WWOX: variants seen among roughly 807,000 people sequenced by gnomAD.
The protein encoded by WWOX is WW domain-containing oxidoreductase.
Under a neutral mutation model 46.2 loss-of-function variants are expected in WWOX, and 69 were observed. That is an observed-to-expected ratio of 1.49 (90% confidence interval 1.23 to 1.82). WWOX has a LOEUF of 1.82. WWOX is among the 40% of genes most tolerant of loss of function. The pLI, the probability that WWOX is intolerant of heterozygous loss-of-function variation, is 0.00. For missense variants in WWOX, 919 were observed against 542.6 expected, an observed-to-expected ratio of 1.69 and a Z score of -6.89; for synonymous variants, 359 against 202.6, an observed-to-expected ratio of 1.77 and a Z score of -6.56.
intron 8 of WWOX, among the ~76,000 whole-genome samples, chr16:79,148,791 A>C (rs1435157872): frequency 1.3e-5 from 2 of 151,766 alleles, no homozygotes; most frequent in African/African-American, 4.8e-5. Context: ...GCGATTGTAA[A>C]TGGCATTGTG....
intron 8 of WWOX, among the ~76,000 whole-genome samples, chr16:78,914,771 C>T (rs911170706): frequency 6.6e-6 from 1 of 151,074 alleles, no homozygotes; most frequent in Non-Finnish European, 1.5e-5. Context: ...CCCAGCTACT[C>T]TGGAGGCTGA....
intron 8 of WWOX, among the ~76,000 whole-genome samples, chr16:78,886,598 A>G (rs1202968731): frequency 6.7e-6 from 1 of 150,322 alleles, no homozygotes; most frequent in Non-Finnish European, 1.5e-5. Flanking sequence ...TGTATTGTCC[A>G]ATTGCTTTCC....
At chr16:79,109,020 G>A (rs1490009329) in intron 8 of WWOX, among the ~76,000 whole-genome samples, 1 of 151,920 alleles carries the variant, frequency 6.6e-6, no homozygotes, top group East Asian at 1.9e-4. Flanking sequence ...CTTGGCAGAT[G>A]CAAGCTCAGA....
intron 8 of WWOX, among the ~76,000 whole-genome samples, chr16:78,796,079 T>A (rs934783957): frequency 6.6e-6 from 1 of 152,212 alleles, no homozygotes; most frequent in Non-Finnish European, 1.5e-5. Flanking sequence ...TTAGACTGGC[T>A]AAGAGAATGG....
intron 5 of WWOX, among the ~76,000 whole-genome samples, chr16:78,251,436 T>C (rs1185246386): frequency 6.6e-6 from 1 of 152,176 alleles, no homozygotes; most frequent in East Asian, 1.9e-4. Context: ...TGTCAACTGC[T>C]CGTTACACAG....
chr16:78,943,998 C>A (rs1333875460), intron 8 of WWOX, among the ~76,000 whole-genome samples: 1 of 152,134 alleles, frequency 6.6e-6, no homozygotes, highest in African/African-American at 2.4e-5. Flanking sequence ...ATTTTAGAAG[C>A]TCATCAAGGA....
chr16:79,006,927 C>G (rs932023973), intron 8 of WWOX, among the ~76,000 whole-genome samples: 3 of 152,160 alleles, frequency 2.0e-5, no homozygotes, highest in African/African-American at 4.8e-5. Flanking sequence ...AATCATCTTC[C>G]TCTTTTAAGA....
At chr16:79,203,292 G>A (rs765230147) in intron 8 of WWOX, 1 of 152,204 alleles carries the variant, frequency 6.6e-6, no homozygotes, top group Non-Finnish European at 1.5e-5. Context: ...CTTGGAACCT[G>A]AGAAATGGTC....
chr16:78,110,299 C>G (rs1220206785), intron 3 of WWOX, among the ~76,000 whole-genome samples: 1 of 141,604 alleles, frequency 7.1e-6, no homozygotes, highest in African/African-American at 2.7e-5. Flanking sequence ...GAGATCGCGC[C>G]ACTGCACTCC....
At chr16:78,284,645 C>T (rs1211436652) in intron 5 of WWOX, among the ~76,000 whole-genome samples, 1 of 152,136 alleles carries the variant, frequency 6.6e-6, no homozygotes, top group African/African-American at 2.4e-5. Context: ...CAAACTTGAG[C>T]AGAGAAATCA....
At chr16:78,944,553 G>C (rs911453374) in intron 8 of WWOX, among the ~76,000 whole-genome samples, 2 of 152,118 alleles carry the variant, frequency 1.3e-5, no homozygotes, top group East Asian at 3.9e-4. Context: ...CTGTGGTCTT[G>C]AGTTTCGTAC....
chr16:78,200,625 C>A (rs796741002), intron 5 of WWOX, among the ~76,000 whole-genome samples: 1 of 150,580 alleles, frequency 6.6e-6, no homozygotes, highest in Admixed American at 6.7e-5. Context: ...ACTGGCAGAT[C>A]TGACTTCCTT....
intron 4 of WWOX, among the ~76,000 whole-genome samples, chr16:78,122,880 C>G (rs1036644019): frequency 3.3e-5 from 5 of 152,196 alleles, no homozygotes; most frequent in African/African-American, 9.7e-5. Context: ...GCTAGGATTA[C>G]AGACACTAGC....
intron 8 of WWOX, among the ~76,000 whole-genome samples, chr16:79,104,241 G>A (rs2049263189): frequency 6.6e-6 from 1 of 152,104 alleles, no homozygotes; most frequent in Admixed American, 6.5e-5. Context: ...ACATAGGGTT[G>A]CCTGTGTCTT....
At chr16:78,741,382 G>A (rs111434337) in intron 8 of WWOX, among the ~76,000 whole-genome samples, 4,708 of 152,020 alleles carry the variant, frequency 0.031, 157 homozygotes, top group African/African-American at 0.085. Context: ...CCAACCTGGT[G>A]AGATCCCATC....
intron 8 of WWOX, among the ~76,000 whole-genome samples, chr16:78,840,627 C>A (rs570015496): frequency 7.2e-5 from 11 of 152,128 alleles, no homozygotes; most frequent in African/African-American, 2.7e-4. Flanking sequence ...GTGATGTCCT[C>A]ATAAATCACC....
At chr16:78,265,753 C>T (rs908985551) in intron 5 of WWOX, among the ~76,000 whole-genome samples, 1 of 147,756 alleles carries the variant, frequency 6.8e-6, no homozygotes, top group Non-Finnish European at 1.5e-5. Context: ...GTTGTATCAG[C>T]TTTTTTTTTT....
chr16:78,967,187 C>T (rs140959767), intron 8 of WWOX, among the ~76,000 whole-genome samples: 219 of 151,698 alleles, frequency 1.4e-3, no homozygotes, highest in African/African-American at 4.8e-3. Flanking sequence ...CTGAGAGATA[C>T]CTGGAAGGAA....
chr16:78,511,681 C>T (rs963150834), intron 8 of WWOX, among the ~76,000 whole-genome samples: 21 of 152,148 alleles, frequency 1.4e-4, no homozygotes, highest in African/African-American at 5.1e-4. Flanking sequence ...GTAGTACCCC[C>T]CGCCTAGGGT....
Sources: gnomAD v4.1 joint callset for allele counts (sites outside exome capture counted in the v4.1 genomes callset) on GRCh38, gnomAD v4.1.1 for gene constraint, MANE v1.5 for transcripts, NCBI Gene and HGNC (gene_info 2026-07-23, HGNC 2026-07-21) for gene names.